RC3H1: variants seen among roughly 807,000 people sequenced by gnomAD.
RC3H1 encodes the protein roquin-1.
Under a neutral mutation model 138.2 loss-of-function variants are expected in RC3H1, and 50 were observed. That is an observed-to-expected ratio of 0.36 (90% CI 0.29 to 0.46). The LOEUF (loss-of-function observed/expected upper bound fraction) is 0.46, where lower values mean the gene tolerates loss of function less well. Ranked by LOEUF, RC3H1 falls within the 20% of genes least tolerant of loss-of-function variation. The pLI is 1.00. For synonymous variants in RC3H1, 462 were observed against 489.1 expected (o/e 0.94, Z 0.73); for missense variants, 1,031 against 1,388.1 (o/e 0.74, Z 4.09).
intron 2 of RC3H1, 102 bp from the exon 3 acceptor site, chr1:173,984,721 C>A: frequency 1.7e-6 from 2 of 1,173,320 alleles, no homozygotes; most frequent in South Asian, 3.6e-5. Context: ...AACATCAAAA[C>A]GCCCACTAAA....
intron 2 of RC3H1, among the ~76,000 whole-genome samples, chr1:173,989,984 C>A (rs1431466022): frequency 6.6e-6 from 1 of 152,032 alleles, no homozygotes; most frequent in East Asian, 1.9e-4. Context: ...CCTCGGCCTC[C>A]CAAAGTGCTG....
intron 7 of RC3H1, among the ~76,000 whole-genome samples, chr1:173,976,161 G>C (rs1404057193): frequency 6.6e-6 from 1 of 151,958 alleles, no homozygotes; most frequent in Non-Finnish European, 1.5e-5. Context: ...CAATGGCCAG[G>C]CATGGTGGCT....
chr1:174,000,063 C>T (rs1338117143), intron 1 of RC3H1, among the ~76,000 whole-genome samples: 2 of 152,126 alleles, frequency 1.3e-5, no homozygotes, highest in African/African-American at 4.8e-5. Flanking sequence ...GTAATGGTTG[C>T]ACAACTCTGT....
At chr1:173,964,778 C>A in intron 10 of RC3H1, 61 bp downstream of exon 10, 4 of 1,342,188 alleles carry the variant, frequency 3.0e-6, no homozygotes, top group African/African-American at 1.5e-5. Context: ...ATTAATTATT[C>A]TATCTTCCTT....
At chr1:173,979,187 T>C (rs1370098970) in intron 6 of RC3H1, among the ~76,000 whole-genome samples, 2 of 152,238 alleles carry the variant, frequency 1.3e-5, no homozygotes, top group African/African-American at 4.8e-5. Context: ...TATTGCTCTA[T>C]AAAATATCAC....
chr1:174,014,083 G>C (rs1359056972), intron 1 of RC3H1, among the ~76,000 whole-genome samples: 1 of 152,154 alleles, frequency 6.6e-6, no homozygotes, highest in East Asian at 1.9e-4. Flanking sequence ...TGAGTAAGTG[G>C]AACATGGGAC....
chr1:173,939,783 C>T (rs527849681), intron 19 of RC3H1, among the ~76,000 whole-genome samples: 2 of 151,060 alleles, frequency 1.3e-5, no homozygotes, highest in East Asian at 2.0e-4. Context: ...TGCAGTGAGC[C>T]GAGATCATGC....
chr1:173,977,543 A>G (rs1186401581), intron 7 of RC3H1, among the ~76,000 whole-genome samples: 1 of 152,194 alleles, frequency 6.6e-6, no homozygotes, highest in Admixed American at 6.5e-5. Flanking sequence ...CTTGCTTTGA[A>G]GCACTCAGAG....
intron 7 of RC3H1, among the ~76,000 whole-genome samples, chr1:173,976,452 CAA>C (rs575437385): frequency 1.7e-4 from 19 of 111,664 alleles, no homozygotes; most frequent in Admixed American, 1.8e-4. Flanking sequence ...ACTGTATCTC[CAA>C]AAAAAAAAAA....
rs1660876110 is a variant in RC3H1 at position 173,982,797 on chromosome 1, C to T, written c.698G>A (p.Arg233Gln). 1 of 1,613,780 alleles carries T rather than the reference C, an allele frequency of 6.2e-7. No homozygotes were observed. Among genetic ancestry groups the T allele is most frequent in the Non-Finnish European group, 8.5e-7 (1 of 1,179,862 alleles). Residue 233 changes from arginine to glutamine, a missense_variant, in exon 5 of 20, where the codon CGG (arginine) becomes CAG (glutamine). This residue lies in a region of RC3H1 where 53 missense variants were observed against 137.4 expected (regional missense o/e 0.39). Transcript: ENST00000367696. ...GCTAGTTTTAGAGGCTTGAGGAAAC[C>T]GTGGCTCCAATCTTTGCACCACAAA... ...VLFVVQRLEP[R>Q]FPQASKTSIG...
chr1:173,982,209 G>A (rs958541273), intron 5 of RC3H1, among the ~76,000 whole-genome samples: 10 of 151,886 alleles, frequency 6.6e-5, no homozygotes, highest in South Asian at 2.1e-4. Context: ...GCGAAACCCC[G>A]TCTCTACCAA....
chr1:173,961,086 A>G lies in RC3H1; in HGVS notation c.2361T>C (p.His787=). Residue 787 remains histidine (H), a synonymous_variant, in exon 13 of 20, where the codon CAT becomes CAC. Coordinates refer to ENST00000367696, the MANE Select transcript of RC3H1 (RefSeq NM_172071.4). ...AAAATGATTTGCTTACTTCTTCCGG[A>G]TGAAAGGTAGGAGGCAAGGTTGGTG... The part of the protein sequence containing the change: ...APSPTLPPTF[H]PEEFLDEDLK... 1 of 1,612,710 alleles carries G rather than the reference A, an allele frequency of 6.2e-7. No individual in the cohort carries two copies. Among genetic ancestry groups the G allele is most frequent in the Non-Finnish European group, 8.5e-7 (1 of 1,179,482 alleles).
At chr1:173,941,194 T>A in intron 19 of RC3H1, 71 bp downstream of exon 19, 1 of 857,266 alleles carries the variant, frequency 1.2e-6, no homozygotes, top group Non-Finnish European at 2.0e-6. Flanking sequence ...ATTTCTGATA[T>A]GACTGGATAA....
chr1:173,976,450 T>C (rs1237127114), intron 7 of RC3H1, among the ~76,000 whole-genome samples: 1 of 141,482 alleles, frequency 7.1e-6, no homozygotes, highest in Non-Finnish European at 1.5e-5. Flanking sequence ...AAACTGTATC[T>C]CCAAAAAAAA....
rs1241514763 is a variant in RC3H1, at chr1:173,946,749, T to C, written c.2825A>G (p.Glu942Gly). ...QNIPSQGHFSERERISMSEVA... is the reference protein window; with the variant it reads ...QNIPSQGHFSGRERISMSEVA... ...AAGTAAAAAGAATGACTCATACCTC[T>C]CACTGAAGTGTCCCTGAGAAGGTAT... is the stretch of plus-strand genomic sequence containing the variant. The change falls in exon 16 of 20, where the codon GAG becomes GGG. Residue 942 changes from glutamate to glycine, a missense_variant. Around this residue, in one of 7 missense-constraint regions of RC3H1, gnomAD observed 716 missense variants for 837.9 expected, o/e 0.85. Transcript: ENST00000367696. The C allele has an allele frequency of 6.2e-7, 1 of 1,612,374 alleles. No individual in the cohort carries two copies. Among genetic ancestry groups the C allele is most frequent in the Non-Finnish European group, 8.5e-7 (1 of 1,178,562 alleles).
At chr1:174,008,984 A>G in intron 1 of RC3H1, among the ~76,000 whole-genome samples, 1 of 147,060 alleles carries the variant, frequency 6.8e-6, no homozygotes, top group African/African-American at 2.7e-5. Flanking sequence ...CTGAAAAAAA[A>G]AAAAAAAAAA....
chr1:174,021,993 G>A, intron 1 of RC3H1, 103 bp downstream of exon 1: 3 of 382,532 alleles, frequency 7.8e-6, no homozygotes, highest in Non-Finnish European at 1.4e-5. Context: ...AGCAGAGGGC[G>A]GGCGAGGACA....
intron 19 of RC3H1, among the ~76,000 whole-genome samples, chr1:173,940,297 C>T (rs1405563357): frequency 6.6e-6 from 1 of 152,048 alleles, no homozygotes; most frequent in Non-Finnish European, 1.5e-5. Context: ...CATGGAGAAA[C>T]CCTGTCTCTA....
At position 173,943,587 on chromosome 1, in the gene RC3H1, C is replaced by T; in HGVS notation, c.2990G>A (p.Arg997Lys). The T allele has an allele frequency of 1.2e-6, 2 of 1,613,604 alleles. No individual in the cohort carries two copies. Among genetic ancestry groups the T allele is most frequent in the Middle Eastern group, 3.4e-4 (2 of 5,966 alleles). ...CTGGCCTGCCAGGGTGTTTGCCTCC[C>T]TCTGCAACACCAGCCTGTTACTAAC... is the stretch of plus-strand genomic sequence containing the variant. ...EAVSNRLVLQREANTLAGQSQ... is the reference protein window; with the variant it reads ...EAVSNRLVLQKEANTLAGQSQ... The change falls in exon 18 of 20, where the codon AGG becomes AAG. Residue 997 changes from arginine (R) to lysine (K), a missense_variant. Arg to Lys is a conservative substitution (Grantham distance 26). Coordinates refer to ENST00000367696, the MANE Select transcript of RC3H1 (RefSeq NM_172071.4).
Sources: allele counts gnomAD v4.1 joint callset (sites outside exome capture counted in the v4.1 genomes callset), GRCh38; gene constraint gnomAD v4.1.1; regional missense constraint gnomAD v4.1.1; transcripts MANE v1.5; gene names NCBI Gene and HGNC (gene_info 2026-07-23, HGNC 2026-07-21).